The following HEY1 variants were observed in gnomAD, a reference collection of about 807,000 sequenced individuals.
HEY1 encodes hes related family bHLH transcription factor with YRPW motif 1.
Under a neutral mutation model 28.7 loss-of-function variants are expected in HEY1, and 9 were observed. That is an observed-to-expected ratio of 0.31 (90% CI 0.19 to 0.55). The LOEUF (loss-of-function observed/expected upper bound fraction) is 0.55. HEY1 is among the 20% of genes least tolerant of loss of function. The pLI, the probability that HEY1 is intolerant of heterozygous loss-of-function variation, is 0.93. For synonymous variants in HEY1, 213 were observed against 175.6 expected, an observed-to-expected ratio of 1.21 and a Z score of -1.68; for missense variants, 385 against 399.4, an observed-to-expected ratio of 0.96 and a Z score of 0.31.
At position 79,765,097 on chromosome 8, in the gene HEY1, T is replaced by C; in HGVS notation, c.*91A>G. On this transcript the variant is annotated 3_prime_UTR_variant, in exon 5 of 5. Transcript: ENST00000354724. ...TCTGAAAGTGTACCTTTTTCCTTTT[T>C]ACTTTTACTGACGACTTTAAGGTGA... is the stretch of plus-strand genomic sequence containing the variant. 1.2e-6 allele frequency: 1 copy of C among 821,132 alleles called. No individual in the cohort carries two copies. The highest frequency in any genetic ancestry group is 1.8e-6 in the Non-Finnish European group (1 of 561,522). The allele number at this position is 821,132 out of a possible 1,614,324, so 50.9% of individuals were successfully genotyped here. A position where few individuals can be genotyped will look rare whatever the true frequency, so the allele number is the denominator to read the frequency against.
chr8:79,766,515 G>A, intron 4 of HEY1, 136 bp downstream of exon 4: 1 of 1,521,940 alleles, frequency 6.6e-7, no homozygotes, highest in Non-Finnish European at 8.7e-7. Context: ...TACTGACAGG[G>A]AACTGCACAC....
chr8:79,767,764 C>T lies in HEY1; in HGVS notation c.-101G>A. 1 of 806,334 alleles carries T rather than the reference C, an allele frequency of 1.2e-6. No homozygotes were observed. The highest frequency in any genetic ancestry group is 2.0e-5 in the Admixed American group (1 of 48,870). 49.9% of individuals were successfully genotyped at this position (806,334 alleles called of 1,614,324 possible). Reference sequence around the variant, plus strand: ...CTCTCGGCTGCTTGCGTTCCGCACACACTGATCCCGCTCACGCTTTGCCTC... The same window carrying T: ...CTCTCGGCTGCTTGCGTTCCGCACATACTGATCCCGCTCACGCTTTGCCTC... On this transcript the variant is annotated 5_prime_UTR_variant, in exon 1 of 5. It adds an upstream start codon to the 5' untranslated region. Coordinates refer to ENST00000354724, the MANE Select transcript of HEY1 (RefSeq NM_012258.4).
intron 4 of HEY1, chr8:79,766,126 TA>T (rs1388560901): frequency 9.3e-7 from 1 of 1,075,318 alleles, no homozygotes; most frequent in Non-Finnish European, 1.3e-6. Context: ...CACACAGATG[TA>T]AGTTATCATC....
chr8:79,764,482 C>T lies in HEY1; in HGVS notation c.*706G>A, dbSNP rs1807778767. The T allele has an allele frequency of 1.8e-5, 4 of 226,710 alleles. No individual in the cohort carries two copies. The highest frequency in any genetic ancestry group is 3.5e-5 in the Non-Finnish European group (4 of 113,892). The allele number at this position is 226,710 out of a possible 1,614,324, so 14.0% of individuals were successfully genotyped here. ...CTCCAAATGAGACCTAACCTATCAG[C>T]GGCTCTCTCCTAACTAAATCAGAAC... is the stretch of plus-strand genomic sequence containing the variant. On this transcript the variant is annotated 3_prime_UTR_variant, in exon 5 of 5. Coordinates refer to ENST00000354724, the MANE Select transcript of HEY1 (RefSeq NM_012258.4).
chr8:79,766,519 T>C, intron 4 of HEY1, 132 bp downstream of exon 4: 1 of 1,524,410 alleles, frequency 6.6e-7, no homozygotes, highest in Non-Finnish European at 8.7e-7. Flanking sequence ...GACAGGGAAC[T>C]GCACACACCA....
In HEY1 at chr8:79,766,192, T is replaced by C. The variant is rs2440624; in HGVS notation, c.332-421A>G. 0.16 allele frequency: 249,800 copies of C among 1,529,534 alleles called. 21,804 individuals are homozygous for C. The highest frequency in any genetic ancestry group is 0.31 in the East Asian group (12,498 of 40,876). 94.7% of individuals were successfully genotyped at this position (1,529,534 alleles called of 1,614,324 possible). A position where few individuals can be genotyped will look rare whatever the true frequency, so the allele number is the denominator to read the frequency against. ...AAAGCATTTTCCTGCTGGAGAGACA[T>C]ACACACAGACCTTGGTCTCCCGTTA... is the stretch of plus-strand genomic sequence containing the variant. On this transcript the variant is annotated intron_variant, in intron 4 of 4. Transcript: ENST00000354724.
intron 4 of HEY1, 82 bp from the exon 5 acceptor site, chr8:79,765,853 C>A (rs1807821533): frequency 8.5e-7 from 1 of 1,175,972 alleles, no homozygotes; most frequent in East Asian, 2.4e-5. Flanking sequence ...CCCTTCCTGG[C>A]AGATACCTGC....
chr8:79,767,206 T>C lies in HEY1; in HGVS notation c.165+13A>G. 1 of 1,606,940 alleles carries C rather than the reference T, an allele frequency of 6.2e-7. No individual in the cohort carries two copies. The highest frequency in any genetic ancestry group is 8.5e-7 in the Non-Finnish European group (1 of 1,174,062). On this transcript the variant is annotated intron_variant, in intron 2 of 4. Coordinates refer to ENST00000354724, the MANE Select transcript of HEY1 (RefSeq NM_012258.4). ...CAATAACAAAAATAAAAGGAGAGTG[T>C]AAAGAGACTCACTCCTCTCCGTCTT...
rs749666206 is a variant in HEY1 at position 79,765,489 on chromosome 8, C to A, written c.614G>T (p.Gly205Val). The A allele has an allele frequency of 1.2e-6, 2 of 1,613,484 alleles. No individual in the cohort carries two copies. The highest frequency in any genetic ancestry group is 2.2e-5 in the South Asian group (2 of 91,056). ...CGGTTCCGTGGGTGAGGCCGTGGTG[C>A]CCGCGTTCCCGTGGCCGTTCTGGGG... is the stretch of plus-strand genomic sequence containing the variant. Reference protein sequence around the residue: ...LLPQNGHGNAGTTASPTEPHH... With the variant: ...LLPQNGHGNAVTTASPTEPHH... Residue 205 changes from glycine (G) to valine (V), a missense_variant, in exon 5 of 5, where the codon GGC (glycine) becomes GTC (valine). By Grantham distance (109) the Gly-to-Val change is moderately radical. This residue lies in a region of HEY1 where 223 missense variants were observed against 215.9 expected (regional missense o/e 1.03). Coordinates refer to ENST00000354724, the MANE Select transcript of HEY1 (RefSeq NM_012258.4).
chr8:79,764,998 C>T lies in HEY1; in HGVS notation c.*190G>A, dbSNP rs1005533390. 9.9e-6 allele frequency: 5 copies of T among 507,124 alleles called. No homozygotes were observed. The highest frequency in any genetic ancestry group is 3.8e-5 in the South Asian group (1 of 26,008). The allele number at this position is 507,124 out of a possible 1,614,324, so 31.4% of individuals were successfully genotyped here. A position where few individuals can be genotyped will look rare whatever the true frequency, so the allele number is the denominator to read the frequency against. ...AACTAGTTTTTAAAAACTGCTAATA[C>T]ATGACATGATGAAAAAAACATTAAA... On this transcript the variant is annotated 3_prime_UTR_variant, in exon 5 of 5. Transcript: ENST00000354724.
rs1230997655 is a variant in HEY1 at position 79,765,651 on chromosome 8, C to T, written c.452G>A (p.Arg151Gln). Residue 151 changes from arginine to glutamine, a missense_variant, in exon 5 of 5, where the codon CGA (arginine) becomes CAA (glutamine). Coordinates refer to ENST00000354724, the MANE Select transcript of HEY1 (RefSeq NM_012258.4). The part of the protein sequence containing the change: ...IEGLDASDPL[R>Q]VRLVSHLNNY... ...GTTGAGATGCGAAACCAGTCGAACT[C>T]GAAGCGGGTCAGAGGCATCTAGTCC... 1.2e-6 allele frequency: 2 copies of T among 1,614,264 alleles called. No individual in the cohort carries two copies. The highest frequency in any genetic ancestry group is 8.5e-7 in the Non-Finnish European group (1 of 1,180,048).
chr8:79,765,544 G>A lies in HEY1; in HGVS notation c.559C>T (p.His187Tyr), dbSNP rs138580863. The A allele has an allele frequency of 4.3e-5, 69 of 1,614,004 alleles. No individual in the cohort carries two copies. The Middle Eastern group carries it at 6.6e-4, about 15-fold the overall frequency. Residue 187 changes from histidine to tyrosine, a missense_variant, in exon 5 of 5, where the codon CAC (histidine) becomes TAC (tyrosine). Physicochemically the swap from His to Tyr is moderately conservative, Grantham distance 83. Around this residue, in one of 3 missense-constraint regions of HEY1, gnomAD observed 223 missense variants for 215.9 expected, o/e 1.03. Transcript: ENST00000354724. ...AACAGCGGGTGCGCGATGTGCGGGTGATGTCCGAAGACGGTCCCCCAGGGA... is the reference window on the plus strand; with the variant it reads ...AACAGCGGGTGCGCGATGTGCGGGTAATGTCCGAAGACGGTCCCCCAGGGA... ...HIPWGTVFGH[H>Y]PHIAHPLLLP...
chr8:79,765,827 T>A (rs79723049), intron 4 of HEY1, 56 bp from the exon 5 acceptor site: 30,434 of 1,478,228 alleles, frequency 0.021, 533 homozygotes, highest in Admixed American at 0.082. Flanking sequence ...CCTCATTTCT[T>A]AAGTCCCAGA....
rs1291946356 is a variant in HEY1 at position 79,767,752 on chromosome 8, G to C, written c.-89C>G. The C allele has an allele frequency of 4.7e-5, 43 of 922,346 alleles. No individual in the cohort carries two copies. Among genetic ancestry groups the C allele is most frequent in the Non-Finnish European group, 5.8e-5 (34 of 587,822 alleles). The allele number at this position is 922,346 out of a possible 1,614,324, so 57.1% of individuals were successfully genotyped here. ...GGCGCCTCTCCGCTCTCGGCTGCTT[G>C]CGTTCCGCACACACTGATCCCGCTC... On this transcript the variant is annotated 5_prime_UTR_variant, in exon 1 of 5. Coordinates refer to ENST00000354724, the MANE Select transcript of HEY1 (RefSeq NM_012258.4).
chr8:79,767,505 G>T (rs1009189461), intron 1 of HEY1, 70 bp downstream of exon 1: 5 of 1,448,582 alleles, frequency 3.5e-6, no homozygotes, highest in South Asian at 1.2e-5. Context: ...GTCCTAGCCC[G>T]CTGTCACCGC....
chr8:79,767,359 A>C, intron 1 of HEY1, 65 bp from the exon 2 acceptor site: 1 of 1,436,914 alleles, frequency 7.0e-7, no homozygotes, highest in Non-Finnish European at 9.8e-7. Flanking sequence ...GTGATCTGAG[A>C]GGTCGCCCCC....
At chr8:79,767,343 G>A (rs748536220) in intron 1 of HEY1, 49 bp from the exon 2 acceptor site, 3 of 1,532,676 alleles carry the variant, frequency 2.0e-6, no homozygotes, top group South Asian at 1.1e-5. Context: ...CGTTAAACGA[G>A]GAGAGGTGAT....
chr8:79,766,068 A>C, intron 4 of HEY1: 3 of 744,582 alleles, frequency 4.0e-6, no homozygotes, highest in Non-Finnish European at 6.4e-6. Flanking sequence ...ACAACAACAA[A>C]AAATACATCA....
chr8:79,765,861 T>TG (rs1807821755), intron 4 of HEY1, 90 bp from the exon 5 acceptor site: 2 of 1,121,990 alleles, frequency 1.8e-6, no homozygotes, highest in Admixed American at 2.6e-5. Context: ...GGCAGATACC[T>TG]GCATCCCTTA....
Sources: allele counts gnomAD v4.1 joint callset, GRCh38; gene constraint gnomAD v4.1.1; regional missense constraint gnomAD v4.1.1; transcripts MANE v1.5; gene names NCBI Gene and HGNC (gene_info 2026-07-23, HGNC 2026-07-21).